The following TTC7A variants were observed in gnomAD, a reference collection of about 807,000 sequenced individuals.
TTC7A encodes tetratricopeptide repeat domain 7A.
TTC7A carries 110 observed loss-of-function variants against 103.7 expected under a neutral mutation model. The ratio of observed to expected loss-of-function variants is 1.06; its 90% confidence interval spans 0.91 to 1.24. The LOEUF is 1.24. TTC7A is among the 50% of genes most tolerant of loss of function. TTC7A has a pLI of 0.00. For synonymous variants in TTC7A, 521 were observed against 467.9 expected (o/e 1.11, Z -1.47); for missense variants, 1,340 against 1,116.3 (o/e 1.20, Z -2.86).
At chr2:46,933,481 A>T (rs1377515172) in intron 2 of TTC7A, among the ~76,000 whole-genome samples, 1 of 152,248 alleles carries the variant, frequency 6.6e-6, no homozygotes, top group African/African-American at 2.4e-5. Context: ...TAATGATTAC[A>T]TGTAGTTTTT....
intron 10 of TTC7A, among the ~76,000 whole-genome samples, chr2:47,009,889 T>TA (rs1677843907): frequency 2.3e-5 from 1 of 42,748 alleles, no homozygotes; most frequent in African/African-American, 6.4e-5. Flanking sequence ...TGTGTGTGTT[T>TA]TTTTTTTTTT....
At chr2:47,015,664 A>T (rs907456310) in intron 11 of TTC7A, among the ~76,000 whole-genome samples, 1 of 152,218 alleles carries the variant, frequency 6.6e-6, no homozygotes, top group African/African-American at 2.4e-5. Flanking sequence ...TGCTTAGCAC[A>T]CTGCGGGTAC....
chr2:47,025,933 C>A (rs560949473), intron 14 of TTC7A, among the ~76,000 whole-genome samples: 3 of 152,344 alleles, frequency 2.0e-5, no homozygotes, highest in Admixed American at 1.3e-4. Context: ...TGTAAAAGAA[C>A]CAGTGCTTTT....
chr2:46,999,029 C>A (rs1392883384), intron 8 of TTC7A, among the ~76,000 whole-genome samples: 1 of 152,158 alleles, frequency 6.6e-6, no homozygotes, highest in Non-Finnish European at 1.5e-5. Flanking sequence ...TTGATTCATT[C>A]ATATATCGAT....
At chr2:47,069,166 C>T (rs1189003745) in intron 19 of TTC7A, among the ~76,000 whole-genome samples, 1 of 152,032 alleles carries the variant, frequency 6.6e-6, no homozygotes, top group African/African-American at 2.4e-5. Context: ...GAACCTGATA[C>T]CAGCCCAGGA....
upstream of TTC7A, chr2:46,916,062 C>T (rs540276954): frequency 5.1e-6 from 5 of 985,458 alleles, no homozygotes; most frequent in Non-Finnish European, 4.8e-6. Flanking sequence ...CTAGGCAACG[C>T]CGGAAGCCCT....
chr2:46,923,344 A>G (rs1669204657), intron 2 of TTC7A, among the ~76,000 whole-genome samples: 1 of 149,262 alleles, frequency 6.7e-6, no homozygotes, highest in African/African-American at 2.5e-5. Flanking sequence ...CTTTCCAGTA[A>G]AGAGCTGTCA....
chr2:46,963,208 G>T (rs1159129155), intron 3 of TTC7A, among the ~76,000 whole-genome samples: 1 of 152,234 alleles, frequency 6.6e-6, no homozygotes. Context: ...ACTGCCTTCA[G>T]CAAGGACAGA....
At chr2:46,987,613 T>C (rs1160485036) in intron 5 of TTC7A, among the ~76,000 whole-genome samples, 1 of 152,220 alleles carries the variant, frequency 6.6e-6, no homozygotes, top group Non-Finnish European at 1.5e-5. Flanking sequence ...CAGAGTGAGC[T>C]TGGGCCGTGC....
chr2:46,920,367 T>G (rs1669037921), intron 2 of TTC7A, among the ~76,000 whole-genome samples: 1 of 152,204 alleles, frequency 6.6e-6, no homozygotes, highest in Admixed American at 6.5e-5. Context: ...TCTTGCTCAA[T>G]TGCCCAGGCT....
intron 2 of TTC7A, among the ~76,000 whole-genome samples, chr2:46,932,850 C>A (rs1669780903): frequency 6.9e-6 from 1 of 145,740 alleles, no homozygotes. Flanking sequence ...GCAGCAAGCG[C>A]AGATCGCACC....
At position 47,074,991 on chromosome 2, in the gene TTC7A, C is replaced by G. The variant is rs148341441; in HGVS notation, c.*1068C>G. On this transcript the variant is annotated 3_prime_UTR_variant, in exon 20 of 20. Transcript: ENST00000319190. ...CAGTCCCCCAGGCCTATCAGGGGATCCTTTTGTATCTGCACTTTGGGTTTT... is the reference window on the plus strand; with the variant it reads ...CAGTCCCCCAGGCCTATCAGGGGATGCTTTTGTATCTGCACTTTGGGTTTT... The G allele has an allele frequency of 5.9e-5, 9 of 152,390 alleles. No individual in the cohort carries two copies. The East Asian group carries it at 1.7e-3, about 29-fold the overall frequency. 9.4% of individuals were successfully genotyped at this position (152,390 alleles called of 1,614,324 possible).
chr2:47,073,416 G>A (rs1366595692), intron 19 of TTC7A, among the ~76,000 whole-genome samples: 3 of 152,220 alleles, frequency 2.0e-5, no homozygotes, highest in Non-Finnish European at 2.9e-5. Context: ...CAAACAGTGT[G>A]ACACAGCCAG....
At chr2:46,926,457 T>C (rs13384023) in intron 2 of TTC7A, among the ~76,000 whole-genome samples, 23,113 of 152,070 alleles carry the variant, frequency 0.15, 2,753 homozygotes, top group African/African-American at 0.33. Context: ...CTTAAGCCTA[T>C]GGTGAGGATA....
chr2:46,988,628 A>C (rs1675293254), intron 5 of TTC7A, among the ~76,000 whole-genome samples: 1 of 152,260 alleles, frequency 6.6e-6, no homozygotes. Context: ...TACTGTGTGC[A>C]GAATACTTGG....
chr2:47,045,479 C>G (rs937806185), intron 15 of TTC7A: 2 of 152,294 alleles, frequency 1.3e-5, no homozygotes, highest in Admixed American at 1.3e-4. Context: ...TTCTTCTCAA[C>G]CATTCTAAGG....
In TTC7A at chr2:46,993,492, G is replaced by A; in HGVS notation, c.807G>A (p.Arg269=). ...TGAGAGAGCTCCGGGAGGTGCTGCG[G>A]ACTGTGGAGACCAAAGCAACTCAGA... ...KGMRELREVL[R]TVETKATQNF... is the part of the protein sequence containing the mutation. Residue 269 remains arginine (R), a synonymous_variant, in exon 6 of 20, where the codon CGG becomes CGA. Transcript: ENST00000319190. The A allele has an allele frequency of 6.2e-7, 1 of 1,614,176 alleles. No individual in the cohort carries two copies. The highest frequency in any genetic ancestry group is 8.5e-7 in the Non-Finnish European group (1 of 1,180,024).
intron 18 of TTC7A, among the ~76,000 whole-genome samples, chr2:47,055,722 G>C (rs935363069): frequency 2.0e-5 from 3 of 152,178 alleles, no homozygotes; most frequent in African/African-American, 7.2e-5. Context: ...GCTGGCCTGA[G>C]TCTCAGCTCC....
intron 3 of TTC7A, among the ~76,000 whole-genome samples, chr2:46,958,840 G>A (rs890456182): frequency 9.2e-5 from 14 of 152,216 alleles, no homozygotes; most frequent in African/African-American, 3.1e-4. Flanking sequence ...CACCCTTCGG[G>A]GGCTGAGGAC....
Sources: allele counts gnomAD v4.1 joint callset (sites outside exome capture counted in the v4.1 genomes callset), GRCh38; gene constraint gnomAD v4.1.1; transcripts MANE v1.5; gene names NCBI Gene and HGNC (gene_info 2026-07-23, HGNC 2026-07-21).